Variants in ERG observed in about 807,000 individuals in gnomAD.
ERG encodes transcriptional regulator ERG.
A neutral mutation model predicts 55.3 loss-of-function variants in ERG; 9 were observed. The ratio of observed to expected loss-of-function variants is 0.16; its 90% CI spans 0.10 to 0.28. The LOEUF is 0.28. ERG is among the 10% of genes least tolerant of loss of function. ERG has a pLI of 1.00. For missense variants in ERG, 434 were observed against 631.6 expected, an observed-to-expected ratio of 0.69 and a Z score of 3.35; for synonymous variants, 223 against 237.3, an observed-to-expected ratio of 0.94 and a Z score of 0.55.
intron 1 of ERG, among the ~76,000 whole-genome samples, chr21:38,636,757 C>G (rs1269990109): frequency 1.3e-5 from 2 of 152,208 alleles, no homozygotes; most frequent in Non-Finnish European, 2.9e-5. Context: ...CTGCGGCCCA[C>G]AGCCTGACAG....
intron 2 of ERG, among the ~76,000 whole-genome samples, chr21:38,522,903 A>T (rs2059604868): frequency 6.6e-6 from 1 of 152,248 alleles, no homozygotes. Context: ...TATGATGGAG[A>T]CAGAATAACA....
downstream of ERG, among the ~76,000 whole-genome samples, chr21:38,377,005 A>G (rs569710614): frequency 6.6e-6 from 1 of 152,358 alleles, no homozygotes; most frequent in East Asian, 1.9e-4. Context: ...TCCATTTGAC[A>G]TGCCCTGAAG....
chr21:38,598,430 GAGTTTT>G (rs1187350367), intron 1 of ERG, among the ~76,000 whole-genome samples: 5 of 152,192 alleles, frequency 3.3e-5, no homozygotes, highest in African/African-American at 1.2e-4. Flanking sequence ...CACCTTCTCA[GAGTTTT>G]AGTTTCCTAA....
At chr21:38,645,295 G>T (rs2060449110) in intron 1 of ERG, among the ~76,000 whole-genome samples, 1 of 152,188 alleles carries the variant, frequency 6.6e-6, no homozygotes, top group African/African-American at 2.4e-5. Context: ...AAAAACCTAA[G>T]TGTGAACTAT....
At chr21:38,452,387 A>C in intron 1 of ERG, among the ~76,000 whole-genome samples, 1 of 152,268 alleles carries the variant, frequency 6.6e-6, no homozygotes, top group Non-Finnish European at 1.5e-5. Flanking sequence ...ACAAATACAT[A>C]TATAAGTGTA....
intron 3 of ERG, among the ~76,000 whole-genome samples, chr21:38,414,969 T>TA (rs2146483078): frequency 6.6e-6 from 1 of 152,332 alleles, no homozygotes; most frequent in South Asian, 2.1e-4. Context: ...GGCAACACAG[T>TA]AGATTATTTT....
intron 2 of ERG, among the ~76,000 whole-genome samples, chr21:38,433,977 G>A (rs1990344759): frequency 6.6e-6 from 1 of 152,070 alleles, no homozygotes; most frequent in African/African-American, 2.4e-5. Context: ...ATCACATGCT[G>A]GTGAAATGTC....
Position 38,558,181 on chromosome 21 carries a change from T to C in ERG, c.-41+17481A>G, listed in dbSNP as rs116103967. On this transcript the variant is annotated intron_variant, in intron 2 of 8. Coordinates refer to the ERG transcript ENST00000398897. ...CTGGTGAACCTCACTCAACTCATCA[T>C]TGATTTCAAGGGCACAGAAGAGGCA... 7.1e-3 allele frequency among the ~76,000 whole-genome samples: 1,081 copies of C among 152,102 alleles called. 16 individuals are homozygous for C. The highest frequency in any genetic ancestry group is 0.025 in the African/African-American group (1,022 of 41,500).
rs528222100 is a variant in ERG, at chr21:38,462,304, G to A, written c.19-16683C>T. Among the ~76,000 whole-genome samples the A allele has an allele frequency of 1.5e-3, 224 of 152,170 alleles. 3 individuals carry two copies. Among genetic ancestry groups the A allele is most frequent in the African/African-American group, 5.2e-3 (216 of 41,542 alleles). ...GGCCTTGTTATTGTTATTTTTAAAT[G>A]AATTTATAAGTAAATGTTTCAAAAT... On this transcript the variant is annotated intron_variant, in intron 1 of 9. Coordinates refer to ENST00000288319, the MANE Select transcript of ERG (RefSeq NM_182918.4).
chr21:38,505,977 T>C (rs1407691245), intron 2 of ERG, among the ~76,000 whole-genome samples: 1 of 152,170 alleles, frequency 6.6e-6, no homozygotes, highest in Non-Finnish European at 1.5e-5. Flanking sequence ...TCTCATTTTT[T>C]ACTTGTTAAA....
chr21:38,542,591 T>C (rs1209119941), intron 2 of ERG, among the ~76,000 whole-genome samples: 1 of 152,210 alleles, frequency 6.6e-6, no homozygotes, highest in African/African-American at 2.4e-5. Flanking sequence ...TCTGGAGTAA[T>C]GTATTTCTAA....
upstream of ERG, among the ~76,000 whole-genome samples, chr21:38,501,151 C>T (rs1480120329): frequency 4.0e-5 from 6 of 149,846 alleles, no homozygotes; most frequent in South Asian, 4.2e-4. Flanking sequence ...CTGCAAGCTC[C>T]GCCTCCCAGC....
the ERG span, among the ~76,000 whole-genome samples, chr21:38,369,829 C>T: frequency 5.9e-5 from 9 of 152,144 alleles, no homozygotes; most frequent in Non-Finnish European, 1.5e-5. Flanking sequence ...TTTCAATATT[C>T]TGCATATGAC....
At chr21:38,367,901 A>G in the ERG span, among the ~76,000 whole-genome samples, 1 of 152,286 alleles carries the variant, frequency 6.6e-6, no homozygotes, top group Middle Eastern at 3.4e-3. Context: ...AGCACATTTC[A>G]CAACATTGCT....
intron 2 of ERG, among the ~76,000 whole-genome samples, chr21:38,432,300 C>T (rs887660750): frequency 4.6e-5 from 7 of 152,114 alleles, no homozygotes; most frequent in African/African-American, 1.4e-4. Context: ...CACTATGTTG[C>T]CCAGGCTGGC....
At chr21:38,446,917 C>T (rs1418692823) in intron 1 of ERG, among the ~76,000 whole-genome samples, 2 of 152,092 alleles carry the variant, frequency 1.3e-5, no homozygotes, top group Non-Finnish European at 2.9e-5. Flanking sequence ...CTATGATGCC[C>T]TTTGTGACAT....
rs2059963096 is a variant in ERG, at chr21:38,572,268, T to C, written c.-41+3394A>G. Among the ~76,000 whole-genome samples the C allele has an allele frequency of 2.0e-5, 3 of 146,960 alleles. No homozygotes were observed. In the South Asian group the frequency reaches 6.4e-4, roughly 31 times the overall value. On this transcript the variant is annotated intron_variant, in intron 2 of 8. Coordinates refer to the ERG transcript ENST00000398897. Reference sequence around the variant, plus strand: ...CTGTAGTCCCAGCTACTCAGGAGGCTGAGGCAGGAGAATGGCGGGAACCCA... The same window carrying C: ...CTGTAGTCCCAGCTACTCAGGAGGCCGAGGCAGGAGAATGGCGGGAACCCA...
chr21:38,370,891 C>T, the ERG span, among the ~76,000 whole-genome samples: 2 of 151,416 alleles, frequency 1.3e-5, no homozygotes, highest in African/African-American at 2.4e-5. Flanking sequence ...CATAGCTGGG[C>T]CTGTGCAATC....
At chr21:38,635,729 C>A (rs2060384274) in intron 1 of ERG, among the ~76,000 whole-genome samples, 1 of 152,196 alleles carries the variant, frequency 6.6e-6, no homozygotes, top group South Asian at 2.1e-4. Flanking sequence ...AGGTTGACTG[C>A]AGAGTTGAGA....
Sources: gnomAD v4.1 joint callset for allele counts (sites outside exome capture counted in the v4.1 genomes callset) on GRCh38, gnomAD v4.1.1 for gene constraint, MANE v1.5 for transcripts, NCBI Gene and HGNC (gene_info 2026-07-23, HGNC 2026-07-21) for gene names.